CADPS: variants seen among roughly 807,000 people sequenced by gnomAD.
The protein encoded by CADPS is calcium dependent secretion activator, also known as calcium-dependent secretion activator 1.
CADPS carries 57 observed loss-of-function variants against 167.3 expected under a neutral mutation model. That is an observed-to-expected ratio of 0.34 (90% CI 0.28 to 0.42). The LOEUF (loss-of-function observed/expected upper bound fraction) is 0.42, where lower values mean the gene tolerates loss of function less well. Ranked by LOEUF, CADPS falls within the 20% of genes least tolerant of loss-of-function variation. CADPS has a pLI of 1.00. For missense variants in CADPS, 1,414 were observed against 1,738.1 expected (o/e 0.81, Z 3.32); for synonymous variants, 676 against 635.3 (o/e 1.06, Z -0.96).
At chr3:62,513,748 G>A (rs774644418) in intron 16 of CADPS, 6 of 1,311,600 alleles carry the variant, frequency 4.6e-6, no homozygotes, top group Admixed American at 3.8e-5. Flanking sequence ...TTAGGTCAGA[G>A]GTAAAGAGGT....
intron 6 of CADPS, among the ~76,000 whole-genome samples, chr3:62,617,940 T>C (rs1265197383): frequency 6.6e-6 from 1 of 152,148 alleles, no homozygotes; most frequent in African/African-American, 2.4e-5. Context: ...AATTCTTCTT[T>C]GGGACTACCT....
intron 1 of CADPS, among the ~76,000 whole-genome samples, chr3:62,771,527 T>A (rs1296896129): frequency 2.4e-4 from 37 of 152,118 alleles, no homozygotes; most frequent in Admixed American, 2.4e-3. Context: ...ACTGAAATAA[T>A]TGGCCCAGAG....
Position 62,438,176 on chromosome 3 carries a change from A to G in CADPS, c.3705T>C (p.Thr1235=). 1.2e-6 allele frequency: 2 copies of G among 1,613,772 alleles called. No individual in the cohort carries two copies. Among genetic ancestry groups the G allele is most frequent in the Non-Finnish European group, 1.7e-6 (2 of 1,179,732 alleles). The part of the protein sequence containing the change: ...PGMDVADAYV[T]FVRHSQDVLR... ...GGACATCCTGAGAATGGCGGACGAA[A>G]GTCACGTAGGCGTCGGCCACGTCCA... Residue 1235 remains threonine (T), a synonymous_variant, in exon 28 of 30, where the codon ACT becomes ACC. Coordinates refer to ENST00000383710, the MANE Select transcript of CADPS (RefSeq NM_003716.4). The surrounding 1 kb of genome is among the most constrained non-coding windows in gnomAD (Gnocchi z 4.7).
rs1020218373 is a variant in CADPS, at chr3:62,602,655, C to T, written c.1326-9907G>A. ...TAGTGTACTAGAAAAGCTAAGCTAC[C>T]TCTCATCTACATAAGTGAGGCGTTT... is the stretch of plus-strand genomic sequence containing the variant. On this transcript the variant is annotated intron_variant, in intron 6 of 29. Transcript: ENST00000383710. The surrounding 1 kb of genome is among the most constrained non-coding windows in gnomAD (Gnocchi z 4.4). Among the ~76,000 whole-genome samples, 1 of 152,114 alleles carries T rather than the reference C, an allele frequency of 6.6e-6. No individual in the cohort carries two copies. Among genetic ancestry groups the T allele is most frequent in the Non-Finnish European group, 1.5e-5 (1 of 68,032 alleles).
chr3:62,613,433 G>A (rs1253198565), intron 6 of CADPS, among the ~76,000 whole-genome samples: 1 of 152,102 alleles, frequency 6.6e-6, no homozygotes, highest in African/African-American at 2.4e-5. Flanking sequence ...TTCTTCATAA[G>A]TTCAGAAAAC....
At chr3:62,620,216 C>G (rs1028011255) in intron 6 of CADPS, among the ~76,000 whole-genome samples, 1 of 152,052 alleles carries the variant, frequency 6.6e-6, no homozygotes, top group Non-Finnish European at 1.5e-5. Context: ...GGCTGAGAGA[C>G]TGCTGTCATT....
Position 62,757,692 on chromosome 3 carries a change from G to A in CADPS, c.556-3919C>T, listed in dbSNP as rs141130134. 6.4e-3 allele frequency among the ~76,000 whole-genome samples: 975 copies of A among 152,240 alleles called. 3 individuals carry two copies. Among genetic ancestry groups the A allele is most frequent in the Non-Finnish European group, 9.8e-3 (666 of 68,008 alleles). ...TCCCAGCTGGTGTAACTGGTTGAGT[G>A]ATGTATTAGTCTGTTCTCACGCAGC... On this transcript the variant is annotated intron_variant, in intron 2 of 29. Coordinates refer to ENST00000383710, the MANE Select transcript of CADPS (RefSeq NM_003716.4).
At chr3:62,832,816 T>C (rs758009480) in intron 1 of CADPS, among the ~76,000 whole-genome samples, 3 of 152,056 alleles carry the variant, frequency 2.0e-5, no homozygotes, top group Non-Finnish European at 4.4e-5. Context: ...TGCTGAAAAA[T>C]CTCCCAATCT....
intron 16 of CADPS, chr3:62,513,694 T>C: frequency 6.3e-7 from 1 of 1,585,974 alleles, no homozygotes; most frequent in Non-Finnish European, 8.6e-7. Context: ...CTCATACATT[T>C]CTCTCTTTTT....
At chr3:62,843,158 A>G (rs955655140) in intron 1 of CADPS, among the ~76,000 whole-genome samples, 10 of 152,188 alleles carry the variant, frequency 6.6e-5, no homozygotes, top group African/African-American at 2.2e-4. Context: ...ATGAAGAATG[A>G]TCTTCCCTAT....
chr3:62,673,758 G>A (rs899482415), intron 3 of CADPS, among the ~76,000 whole-genome samples: 2 of 152,052 alleles, frequency 1.3e-5, no homozygotes, highest in South Asian at 2.1e-4. Context: ...ATGGGAAATG[G>A]TCACTTTTTC....
At chr3:62,502,813 G>A (rs2065985322) in intron 17 of CADPS, among the ~76,000 whole-genome samples, 1 of 152,140 alleles carries the variant, frequency 6.6e-6, no homozygotes, top group Admixed American at 6.5e-5. Flanking sequence ...GGTGGGTGGA[G>A]GAGGAGGCCC....
chr3:62,404,053 A>G (rs1168029402), intron 28 of CADPS: 2 of 151,596 alleles, frequency 1.3e-5, no homozygotes, highest in Non-Finnish European at 2.9e-5. Flanking sequence ...ACTCGGAGAC[A>G]TATGAACAGT....
intron 1 of CADPS, among the ~76,000 whole-genome samples, chr3:62,850,820 G>C (rs1160434292): frequency 6.6e-6 from 1 of 151,030 alleles, no homozygotes; most frequent in African/African-American, 2.4e-5. Context: ...TTCAATTCCT[G>C]GGTATCCTTG....
intron 1 of CADPS, among the ~76,000 whole-genome samples, chr3:62,854,368 TG>T (rs1401003206): frequency 6.6e-6 from 1 of 152,226 alleles, no homozygotes; most frequent in Non-Finnish European, 1.5e-5. Context: ...TCATCTTTTT[TG>T]GTGCAGTCAA....
Position 62,735,137 on chromosome 3 carries a change from G to A in CADPS, c.888+18304C>T, listed in dbSNP as rs936931107. Among the ~76,000 whole-genome samples the A allele has an allele frequency of 1.5e-4, 23 of 151,794 alleles. 1 individual carries two copies. The highest frequency in any genetic ancestry group is 4.1e-4 in the African/African-American group (17 of 41,344). ...ATACTTATTTCATTAAGTAAATGAC[G>A]GTATATTCATATTGAGATATCACCC... On this transcript the variant is annotated intron_variant, in intron 3 of 29. Transcript: ENST00000383710.
intron 28 of CADPS, among the ~76,000 whole-genome samples, chr3:62,431,393 C>T (rs372895961): frequency 1.8e-4 from 27 of 150,118 alleles, no homozygotes; most frequent in East Asian, 5.8e-4. Context: ...ACAGTTTAGC[C>T]CCCCCTCAAT....
At chr3:62,531,958 C>T (rs114453197) in intron 13 of CADPS, among the ~76,000 whole-genome samples, 2,253 of 152,280 alleles carry the variant, frequency 0.015, 36 homozygotes, top group Middle Eastern at 0.048. Context: ...GGAGACTTGA[C>T]GTTCTGGGCT....
intron 9 of CADPS, among the ~76,000 whole-genome samples, chr3:62,560,292 T>C (rs978429669): frequency 7.2e-5 from 11 of 152,232 alleles, no homozygotes; most frequent in Non-Finnish European, 1.2e-4. Flanking sequence ...CTTACATTTA[T>C]TTTTTAAACT....
Sources: allele counts gnomAD v4.1 joint callset (sites outside exome capture counted in the v4.1 genomes callset), GRCh38; gene constraint gnomAD v4.1.1; non-coding constraint Gnocchi (gnomAD v3.1); transcripts MANE v1.5; gene names NCBI Gene and HGNC (gene_info 2026-07-23, HGNC 2026-07-21).